Variants in BABAM2 observed in about 807,000 individuals in gnomAD.
BABAM2 encodes BRISC and BRCA1-A complex member 2.
BABAM2 carries 31 observed loss-of-function variants against 54.7 expected under a neutral mutation model. The ratio of observed to expected loss-of-function variants is 0.57; its 90% CI spans 0.43 to 0.77. The LOEUF (loss-of-function observed/expected upper bound fraction) is 0.77. Ranked by LOEUF, BABAM2 falls within the 30% of genes least tolerant of loss-of-function variation. The probability of loss-of-function intolerance (pLI) is 0.00; values close to 1 mark genes in which losing one functional copy is unlikely to be tolerated. For missense variants in BABAM2, 364 were observed against 455.8 expected, an observed-to-expected ratio of 0.80 and a Z score of 1.83; for synonymous variants, 167 against 162.9, an observed-to-expected ratio of 1.03 and a Z score of -0.19.
intron 7 of BABAM2, among the ~76,000 whole-genome samples, chr2:28,154,429 A>G (rs1210214200): frequency 2.0e-5 from 3 of 152,140 alleles, no homozygotes; most frequent in Admixed American, 2.0e-4. Flanking sequence ...GGAACAGGGG[A>G]GTGGTGGTGG....
chr2:28,269,704 T>C (rs535109018), intron 10 of BABAM2, among the ~76,000 whole-genome samples: 2 of 152,362 alleles, frequency 1.3e-5, no homozygotes, highest in African/African-American at 4.8e-5. Flanking sequence ...ACAAGGTTTC[T>C]ACCTTATCTG....
At chr2:28,026,989 A>ATAT (rs1558668326) in intron 5 of BABAM2, among the ~76,000 whole-genome samples, 2 of 110,022 alleles carry the variant, frequency 1.8e-5, no homozygotes, top group South Asian at 2.6e-4. Context: ...AATATATATA[A>ATAT]AAATATATAA....
At chr2:28,180,604 A>G (rs1191968762) in intron 7 of BABAM2, among the ~76,000 whole-genome samples, 1 of 152,186 alleles carries the variant, frequency 6.6e-6, no homozygotes, top group Non-Finnish European at 1.5e-5. Context: ...CAAAAACAAA[A>G]ATAGGCACAT....
rs539737638 is a variant in BABAM2 at position 27,896,804 on chromosome 2, G to T, written c.128+2120G>T. 5.5e-5 allele frequency: 13 copies of T among 236,490 alleles called. No individual in the cohort carries two copies. In the East Asian group the frequency reaches 1.7e-3, roughly 31 times the overall value. 14.6% of individuals were successfully genotyped at this position (236,490 alleles called of 1,614,324 possible). A position where few individuals can be genotyped will look rare whatever the true frequency, so the allele number is the denominator to read the frequency against. ...TGCCCAGCTGGGTCTGGAGCAGCTT[G>T]TGCCCAACTGGGTCCACATTGCTCA... On this transcript the variant is annotated intron_variant, in intron 2 of 11. Transcript: ENST00000379624.
intron 2 of BABAM2, among the ~76,000 whole-genome samples, chr2:27,915,543 T>G (rs1198794954): frequency 6.6e-6 from 1 of 152,232 alleles, no homozygotes; most frequent in Non-Finnish European, 1.5e-5. Flanking sequence ...CGAAATCCTT[T>G]CAAACTACCT....
chr2:27,918,079 A>T (rs1228182919), intron 2 of BABAM2, among the ~76,000 whole-genome samples: 2 of 152,318 alleles, frequency 1.3e-5, no homozygotes, highest in East Asian at 3.9e-4. Flanking sequence ...ATTTCCTACC[A>T]AAGTTTTTCT....
At chr2:28,154,468 G>A (rs1672359929) in intron 7 of BABAM2, among the ~76,000 whole-genome samples, 1 of 152,074 alleles carries the variant, frequency 6.6e-6, no homozygotes, top group Non-Finnish European at 1.5e-5. Flanking sequence ...GGCATTGCAG[G>A]GTATATCCTG....
At chr2:27,953,005 C>T (rs1405322106) in intron 3 of BABAM2, among the ~76,000 whole-genome samples, 2 of 152,042 alleles carry the variant, frequency 1.3e-5, no homozygotes, top group African/African-American at 2.4e-5. Flanking sequence ...CCAGTAGTGG[C>T]TCTACCCTTC....
chr2:28,107,213 T>C (rs1667602662), intron 6 of BABAM2, among the ~76,000 whole-genome samples: 1 of 152,112 alleles, frequency 6.6e-6, no homozygotes, highest in Non-Finnish European at 1.5e-5. Context: ...TATGTGAACA[T>C]CTTTCTTCCT....
chr2:28,198,349 G>A (rs1359901547), intron 7 of BABAM2, among the ~76,000 whole-genome samples: 5 of 152,012 alleles, frequency 3.3e-5, no homozygotes, highest in Non-Finnish European at 5.9e-5. Flanking sequence ...TATTTTTTTA[G>A]TAGAGACGGG....
rs554754214 is a variant in BABAM2 at position 28,158,706 on chromosome 2, T to C, written c.680+29326T>C. 3.3e-5 allele frequency among the ~76,000 whole-genome samples: 5 copies of C among 152,396 alleles called. No homozygotes were observed. In the East Asian group the frequency reaches 9.6e-4, roughly 29 times the overall value. On this transcript the variant is annotated intron_variant, in intron 7 of 11. Transcript: ENST00000379624. ...AAGGCTATGTAATATAGCTTGAGAC[T>C]TCTACTACACTTGTTAATCTTACTT... is the stretch of plus-strand genomic sequence containing the variant.
At chr2:28,226,143 G>A (rs915265672) in intron 7 of BABAM2, among the ~76,000 whole-genome samples, 36 of 152,276 alleles carry the variant, frequency 2.4e-4, no homozygotes, top group South Asian at 2.1e-3. Context: ...GAACACAGCC[G>A]TGCTCATTCA....
chr2:27,954,523 TTC>T (rs1257378482), intron 3 of BABAM2, among the ~76,000 whole-genome samples: 1 of 152,224 alleles, frequency 6.6e-6, no homozygotes, highest in East Asian at 1.9e-4. Flanking sequence ...AAGGCAAGAC[TTC>T]TTTTTGATTC....
At position 28,316,001 on chromosome 2, in the gene BABAM2, G is replaced by C. The variant is rs939456329; in HGVS notation, c.1088+17510G>C. On this transcript the variant is annotated intron_variant, in intron 11 of 11. Transcript: ENST00000379624. ...CGCCTCCATGTCCAGGGCTTTTAGA[G>C]ACCCCACTCTGGATCTTCAGAGTTA... 3.4e-4 allele frequency among the ~76,000 whole-genome samples: 52 copies of C among 152,088 alleles called. 1 individual carries two copies. Among genetic ancestry groups the C allele is most frequent in the African/African-American group, 1.2e-3 (49 of 41,402 alleles).
At chr2:27,958,026 A>G (rs1051010786) in intron 3 of BABAM2, among the ~76,000 whole-genome samples, 3 of 152,206 alleles carry the variant, frequency 2.0e-5, no homozygotes, top group Non-Finnish European at 4.4e-5. Flanking sequence ...CAGCCCAGGC[A>G]TCAGAAATGT....
intron 6 of BABAM2, among the ~76,000 whole-genome samples, chr2:28,053,703 G>T (rs1024990293): frequency 3.9e-5 from 6 of 152,082 alleles, no homozygotes; most frequent in Admixed American, 3.9e-4. Context: ...GAGCAGACAG[G>T]ACTTAGGGAA....
At chr2:28,065,306 G>A (rs1202747336) in intron 6 of BABAM2, among the ~76,000 whole-genome samples, 1 of 152,148 alleles carries the variant, frequency 6.6e-6, no homozygotes, top group East Asian at 1.9e-4. Context: ...AGTTTACATT[G>A]AGAGTCTTCC....
rs1436142072 is a variant in BABAM2, at chr2:27,995,369, T to A, written c.300+7282T>A. Among the ~76,000 whole-genome samples the A allele has an allele frequency of 3.9e-5, 6 of 152,108 alleles. No homozygotes were observed. Among genetic ancestry groups the A allele is most frequent in the Non-Finnish European group, 7.4e-5 (5 of 68,020 alleles). ...CCTCTGCTGTGCCTTGCACTGTTCC[T>A]CCATCACTCTCTGTTGACAAGCTGA... On this transcript the variant is annotated intron_variant, in intron 4 of 11. Transcript: ENST00000379624. This position sits in a 1 kb window ranked among gnomAD's most constrained non-coding sequence, Gnocchi z 4.1.
intron 2 of BABAM2, among the ~76,000 whole-genome samples, chr2:27,924,761 A>C (rs910137553): frequency 1.3e-5 from 2 of 152,224 alleles, no homozygotes; most frequent in African/African-American, 4.8e-5. Context: ...TAAATTAAAG[A>C]ACATGACCAA....
Sources: gnomAD v4.1 joint callset for allele counts (sites outside exome capture counted in the v4.1 genomes callset) on GRCh38, gnomAD v4.1.1 for gene constraint, Gnocchi (gnomAD v3.1) non-coding constraint, MANE v1.5 for transcripts, NCBI Gene and HGNC (gene_info 2026-07-23, HGNC 2026-07-21) for gene names.